PDXDC1: variants seen among roughly 807,000 people sequenced by gnomAD.
PDXDC1 encodes the protein pyridoxal dependent decarboxylase domain containing 1.
A neutral mutation model predicts 100.1 loss-of-function variants in PDXDC1; 42 were observed. That is an observed-to-expected ratio of 0.42 (90% CI 0.33 to 0.54). The LOEUF is 0.54. Ranked by LOEUF, PDXDC1 falls within the 20% of genes least tolerant of loss-of-function variation. PDXDC1 has a pLI of 0.10. For synonymous variants in PDXDC1, 260 were observed against 371.7 expected, an observed-to-expected ratio of 0.70 and a Z score of 3.46; for missense variants, 636 against 979.2, an observed-to-expected ratio of 0.65 and a Z score of 4.68.
chr16:15,100,641 A>C (rs1314221536), intron 16 of PDXDC1, among the ~76,000 whole-genome samples: 1 of 152,180 alleles, frequency 6.6e-6, no homozygotes, highest in Admixed American at 6.5e-5. Context: ...AGATGTTGCC[A>C]AATGTCCCTG....
At chr16:15,125,978 C>T (rs919013156) in intron 16 of PDXDC1, 31 of 600,776 alleles carry the variant, frequency 5.2e-5, no homozygotes, top group African/African-American at 4.6e-4. Flanking sequence ...CCCCTCGCGA[C>T]GTGTGCCACT....
chr16:15,032,792 T>C, intron 17 of PDXDC1, 69 bp from the exon 18 acceptor site: 1 of 922,466 alleles, frequency 1.1e-6, no homozygotes, highest in Admixed American at 1.7e-5. Flanking sequence ...ATTTAGAGGT[T>C]TCTAATCCTG....
intron 16 of PDXDC1, among the ~76,000 whole-genome samples, chr16:15,058,197 C>T: frequency 6.6e-6 from 1 of 151,994 alleles, no homozygotes; most frequent in East Asian, 1.9e-4. Context: ...GTCCCAGCTA[C>T]TCGGGAGGAT....
In PDXDC1 at chr16:15,038,230, G is replaced by T; in HGVS notation, c.*1955G>T. ...AAGATTCTGAAAACACAAGATGGTGGGCATTAGAGAAGCCAACCTTACTGT... is the reference window on the plus strand; with the variant it reads ...AAGATTCTGAAAACACAAGATGGTGTGCATTAGAGAAGCCAACCTTACTGT... On this transcript the variant is annotated 3_prime_UTR_variant, in exon 23 of 23. Transcript: ENST00000396410. 6.2e-7 allele frequency: 1 copy of T among 1,603,868 alleles called. No homozygotes were observed. The highest frequency in any genetic ancestry group is 8.5e-7 in the Non-Finnish European group (1 of 1,173,660).
intron 16 of PDXDC1, chr16:15,085,645 C>G (rs769530774): frequency 6.8e-6 from 11 of 1,613,262 alleles, no homozygotes; most frequent in Non-Finnish European, 9.3e-6. Context: ...TTACTATCAT[C>G]TTCATCATCA....
chr16:15,068,993 G>A (rs1324741765), intron 16 of PDXDC1, among the ~76,000 whole-genome samples: 1 of 152,092 alleles, frequency 6.6e-6, no homozygotes, highest in East Asian at 1.9e-4. Context: ...CAGATTCCTG[G>A]CATTAATTTA....
At chr16:15,109,485 C>T (rs1265866969) in intron 16 of PDXDC1, among the ~76,000 whole-genome samples, 15 of 147,120 alleles carry the variant, frequency 1.0e-4, no homozygotes, top group East Asian at 2.0e-4. Flanking sequence ...GGTGAAACCC[C>T]GCCTCTACTA....
intron 16 of PDXDC1, among the ~76,000 whole-genome samples, chr16:15,074,438 A>C (rs915232888): frequency 2.6e-5 from 4 of 152,212 alleles, no homozygotes; most frequent in Non-Finnish European, 5.9e-5. Flanking sequence ...GCATTCAGCA[A>C]CTTGAGCGTA....
At chr16:14,990,167 G>T (rs532903715) in intron 1 of PDXDC1, 3 of 1,352,760 alleles carry the variant, frequency 2.2e-6, no homozygotes, top group Non-Finnish European at 1.9e-6. Context: ...ACATCGGGCC[G>T]CCAGGCGCGG....
downstream of PDXDC1, chr16:15,041,680 T>G (rs769478424): frequency 6.2e-7 from 1 of 1,603,748 alleles, no homozygotes. Flanking sequence ...AATTCACCTA[T>G]GATGAGAATT....
chr16:15,144,493 G>T, the PDXDC1 span, among the ~76,000 whole-genome samples: 1 of 152,108 alleles, frequency 6.6e-6, no homozygotes, highest in African/African-American at 2.4e-5. Flanking sequence ...CCCACGAGGG[G>T]TGGGGGTTGC....
downstream of PDXDC1, chr16:15,041,023 A>T (rs1373599689): frequency 1.5e-6 from 2 of 1,298,112 alleles, no homozygotes; most frequent in South Asian, 2.4e-5. Flanking sequence ...CTTTAACTGC[A>T]CATGTGACCA....
At chr16:14,978,901 T>A (rs1967312579) in intron 1 of PDXDC1, among the ~76,000 whole-genome samples, 1 of 152,300 alleles carries the variant, frequency 6.6e-6, no homozygotes, top group South Asian at 2.1e-4. Flanking sequence ...TTATGGGGGC[T>A]GGCCTGTGCA....
At chr16:14,987,992 C>CTT (rs58211541) in intron 1 of PDXDC1, among the ~76,000 whole-genome samples, 1 of 134,574 alleles carries the variant, frequency 7.4e-6, no homozygotes, top group South Asian at 2.4e-4. Flanking sequence ...TTATACAATT[C>CTT]TTTTTTTTTT....
chr16:15,141,341 G>A (rs2048472149), downstream of PDXDC1, among the ~76,000 whole-genome samples: 2 of 152,232 alleles, frequency 1.3e-5, no homozygotes, highest in Admixed American at 6.5e-5. Context: ...CAGAGCAGCC[G>A]AGGCCTTCTC....
At position 15,127,324 on chromosome 16, in the gene PDXDC1, G is replaced by A. The variant is rs1358574240; in HGVS notation, c.1400-11555G>A. On this transcript the variant is annotated intron_variant, in intron 16 of 16. Coordinates refer to the PDXDC1 transcript ENST00000535621. Reference sequence around the variant, plus strand: ...TTTCTCCCTGGTCAGTCTAGCTAAGGCTGCTCAAGTGTGTTGACCCTTCCC... The same window carrying A: ...TTTCTCCCTGGTCAGTCTAGCTAAGACTGCTCAAGTGTGTTGACCCTTCCC... 1.8e-5 allele frequency: 12 copies of A among 674,674 alleles called. No individual in the cohort carries two copies. In the East Asian group the frequency reaches 3.2e-4, roughly 18 times the overall value. The allele number at this position is 674,674 out of a possible 1,614,324, so 41.8% of individuals were successfully genotyped here. A position where few individuals can be genotyped will look rare whatever the true frequency, so the allele number is the denominator to read the frequency against.
intron 1 of PDXDC1, among the ~76,000 whole-genome samples, chr16:14,991,887 T>C (rs7404069): frequency 1 from 152,361 of 152,406 alleles, 76,158 homozygotes; most frequent in Middle Eastern, 1. Flanking sequence ...CTGTGTTGCA[T>C]TTAGAGAACA....
intron 16 of PDXDC1, among the ~76,000 whole-genome samples, chr16:15,097,499 G>A (rs554083170): frequency 2.8e-5 from 4 of 143,288 alleles, no homozygotes; most frequent in East Asian, 4.1e-4. Flanking sequence ...AAAATGTGCC[G>A]GGCGTGGTGG....
Position 15,079,849 on chromosome 16 carries a change from G to T in PDXDC1, c.1399+49793G>T, listed in dbSNP as rs56264630. ...TGACCTCAGGTGATCTGCCTGCCTCGGCCTCCCAAAGTGCTGGGAATACAG... is the reference window on the plus strand; with the variant it reads ...TGACCTCAGGTGATCTGCCTGCCTCTGCCTCCCAAAGTGCTGGGAATACAG... On this transcript the variant is annotated intron_variant, in intron 16 of 16. Coordinates refer to the PDXDC1 transcript ENST00000535621. The T allele has an allele frequency of 6.1e-6, 5 of 823,512 alleles. No individual in the cohort carries two copies. The South Asian group carries it at 7.6e-5, about 13-fold the overall frequency. 51.0% of individuals were successfully genotyped at this position (823,512 alleles called of 1,614,324 possible).
Sources: gnomAD v4.1 joint callset for allele counts (sites outside exome capture counted in the v4.1 genomes callset) on GRCh38, gnomAD v4.1.1 for gene constraint, MANE v1.5 for transcripts, NCBI Gene and HGNC (gene_info 2026-07-23, HGNC 2026-07-21) for gene names.